The following ANKH variants were observed in gnomAD, a reference collection of about 807,000 sequenced individuals.
ANKH encodes ANKH inorganic pyrophosphate transport regulator.
Under a neutral mutation model 49.0 loss-of-function variants are expected in ANKH, and 15 were observed. That is an observed-to-expected ratio of 0.31 (90% CI 0.20 to 0.47). The LOEUF (loss-of-function observed/expected upper bound fraction) is 0.47, where lower values mean the gene tolerates loss of function less well. ANKH is among the 20% of genes least tolerant of loss of function. The pLI is 1.00. For synonymous variants in ANKH, 273 were observed against 260.0 expected, an observed-to-expected ratio of 1.05 and a Z score of -0.48; for missense variants, 429 against 652.0, an observed-to-expected ratio of 0.66 and a Z score of 3.72.
chr5:14,783,088 G>A (rs1251096151), intron 1 of ANKH, among the ~76,000 whole-genome samples: 1 of 152,140 alleles, frequency 6.6e-6, no homozygotes, highest in Non-Finnish European at 1.5e-5. Context: ...ATCAAGTTTT[G>A]TGAATGAGTT....
At chr5:14,867,260 A>C (rs2453319) in intron 1 of ANKH, among the ~76,000 whole-genome samples, 1 of 151,964 alleles carries the variant, frequency 6.6e-6, no homozygotes, top group Non-Finnish European at 1.5e-5. Context: ...ATTTATAAAG[A>C]CCAGGTGGGT....
chr5:14,805,231 G>C (rs902596659), intron 1 of ANKH, among the ~76,000 whole-genome samples: 13 of 151,652 alleles, frequency 8.6e-5, no homozygotes, highest in Non-Finnish European at 1.8e-4. Context: ...CTCCCATGCT[G>C]GATGCTTCCT....
chr5:14,736,070 T>G (rs1254002998), intron 8 of ANKH, among the ~76,000 whole-genome samples: 1 of 142,402 alleles, frequency 7.0e-6, no homozygotes, highest in Non-Finnish European at 1.5e-5. Context: ...CAAACAGCCA[T>G]TGACCTCGGA....
chr5:14,844,896 G>C (rs186562156), intron 1 of ANKH, among the ~76,000 whole-genome samples: 1 of 152,236 alleles, frequency 6.6e-6, no homozygotes, highest in East Asian at 1.9e-4. Context: ...GCATCTTTCG[G>C]GAGGATTGGA....
chr5:14,813,428 G>A (rs1351600105), intron 1 of ANKH, among the ~76,000 whole-genome samples: 1 of 152,002 alleles, frequency 6.6e-6, no homozygotes, highest in Non-Finnish European at 1.5e-5. Flanking sequence ...GAAATGTTAA[G>A]TTCCAATGGC....
chr5:14,751,153 T>C lies in ANKH; in HGVS notation c.603A>G (p.Ala201=), dbSNP rs1465097368. 3.1e-6 allele frequency: 5 copies of C among 1,614,080 alleles called. No individual in the cohort carries two copies. The highest frequency in any genetic ancestry group is 4.5e-5 in the East Asian group (2 of 44,890). Reference sequence around the variant, plus strand: ...GGCACAGGGTGGTGCAGCGCACAAGTGCGCCCATGTACAAGGAGAGGATCG... The same window carrying C: ...GGCACAGGGTGGTGCAGCGCACAAGCGCGCCCATGTACAAGGAGAGGATCG... The part of the protein sequence containing the change: ...LIPILSLYMG[A]LVRCTTLCLG... The change falls in exon 5 of 12, where the codon GCA becomes GCG. Residue 201 remains alanine, a synonymous_variant. Transcript: ENST00000284268.
chr5:14,810,790 A>G (rs31911), intron 1 of ANKH, among the ~76,000 whole-genome samples: 72,262 of 151,992 alleles, frequency 0.48, 17,477 homozygotes, highest in East Asian at 0.75. Flanking sequence ...CTGCAAAATA[A>G]ATTTAAAAAA....
chr5:14,715,357 C>T (rs1737409220), intron 9 of ANKH, among the ~76,000 whole-genome samples: 1 of 152,176 alleles, frequency 6.6e-6, no homozygotes, highest in African/African-American at 2.4e-5. Flanking sequence ...TCTCGAACTC[C>T]TGACCTCAGA....
chr5:14,786,243 T>G (rs1053145254), intron 1 of ANKH, among the ~76,000 whole-genome samples: 1 of 152,046 alleles, frequency 6.6e-6, no homozygotes, highest in African/African-American at 2.4e-5. Context: ...AGTTCCTAAA[T>G]AAAGAAAACC....
At chr5:14,715,585 T>C (rs529569821) in intron 9 of ANKH, among the ~76,000 whole-genome samples, 5 of 152,364 alleles carry the variant, frequency 3.3e-5, no homozygotes, top group Non-Finnish European at 7.3e-5. Context: ...AAGGTCTTCT[T>C]CCCAGTGGTG....
intron 1 of ANKH, among the ~76,000 whole-genome samples, chr5:14,803,593 T>G (rs1007990363): frequency 3.3e-5 from 5 of 152,120 alleles, no homozygotes; most frequent in African/African-American, 1.2e-4. Context: ...ATCTCTTTTT[T>G]AATTTTTATT....
At position 14,745,643 on chromosome 5, in the gene ANKH, G is replaced by T. The variant is rs1269836415; in HGVS notation, c.915+227C>A. ...TGGGAATAACCTGAAAGTAACCACA[G>T]GCTGATCACTTTGGAAAAGCATCCT... On this transcript the variant is annotated intron_variant, in intron 7 of 11. Coordinates refer to ENST00000284268, the MANE Select transcript of ANKH (RefSeq NM_054027.6). This position sits in a 1 kb window ranked among gnomAD's most constrained non-coding sequence, Gnocchi z 4.7. Among the ~76,000 whole-genome samples, 1 of 152,162 alleles carries T rather than the reference G, an allele frequency of 6.6e-6. No individual in the cohort carries two copies. The highest frequency in any genetic ancestry group is 1.9e-4 in the East Asian group (1 of 5,198).
chr5:14,844,247 C>T (rs1741894782), intron 1 of ANKH, among the ~76,000 whole-genome samples: 1 of 152,212 alleles, frequency 6.6e-6, no homozygotes, highest in Non-Finnish European at 1.5e-5. Flanking sequence ...CTCCTATAGA[C>T]CTATCTTTCT....
chr5:14,871,060 T>C (rs1409445755), intron 1 of ANKH: 4 of 521,966 alleles, frequency 7.7e-6, no homozygotes, highest in African/African-American at 5.7e-5. Flanking sequence ...GTTTACATAA[T>C]CGCAAATTAC....
At chr5:14,793,951 A>G (rs1740290451) in intron 1 of ANKH, among the ~76,000 whole-genome samples, 1 of 152,270 alleles carries the variant, frequency 6.6e-6, no homozygotes, top group Non-Finnish European at 1.5e-5. Flanking sequence ...AAGTAATGCT[A>G]TCCACTGATC....
In ANKH at chr5:14,707,914, A is replaced by G. The variant is rs1468221928; in HGVS notation, c.*3283T>C. On this transcript the variant is annotated 3_prime_UTR_variant, in exon 12 of 12. Coordinates refer to ENST00000284268, the MANE Select transcript of ANKH (RefSeq NM_054027.6). ...CCGATGCAGGCAGTCATGGGGGATG[A>G]CTGTTTTTTACCCAGAAATGCAAAC... is the stretch of plus-strand genomic sequence containing the variant. 6.6e-6 allele frequency: 1 copy of G among 152,184 alleles called. No individual in the cohort carries two copies. Among genetic ancestry groups the G allele is most frequent in the Non-Finnish European group, 1.5e-5 (1 of 68,032 alleles). The allele number at this position is 152,184 out of a possible 1,614,324, so 9.4% of individuals were successfully genotyped here.
At chr5:14,862,818 A>T (rs540108934) in intron 1 of ANKH, among the ~76,000 whole-genome samples, 4 of 152,330 alleles carry the variant, frequency 2.6e-5, no homozygotes, top group Admixed American at 2.6e-4. Context: ...TGCTTCCTTG[A>T]CTTTTCAAAA....
intron 1 of ANKH, among the ~76,000 whole-genome samples, chr5:14,788,755 CAG>C (rs1491019027): frequency 6.6e-6 from 1 of 152,040 alleles, no homozygotes; most frequent in African/African-American, 2.4e-5. Context: ...GACAGAAACA[CAG>C]GGGGATAGCT....
Position 14,755,830 on chromosome 5 carries a change from G to A in ANKH, c.516+31C>T, listed in dbSNP as rs374482105. ...ACACACGCCAGAAGGGGACTCTGAG[G>A]AGCTCTGATTGACACACAGACCATA... is the stretch of plus-strand genomic sequence containing the variant. On this transcript the variant is annotated intron_variant, in intron 4 of 11. Transcript: ENST00000284268. 27 of 1,592,642 alleles carry A rather than the reference G, an allele frequency of 1.7e-5. No individual in the cohort carries two copies. The African/African-American group carries it at 3.5e-4, about 21-fold the overall frequency.
Sources: allele counts gnomAD v4.1 joint callset (sites outside exome capture counted in the v4.1 genomes callset), GRCh38; gene constraint gnomAD v4.1.1; non-coding constraint Gnocchi (gnomAD v3.1); transcripts MANE v1.5; gene names NCBI Gene and HGNC (gene_info 2026-07-23, HGNC 2026-07-21).